The following MC2R variants were observed in gnomAD, a reference collection of about 807,000 sequenced individuals.
MC2R encodes adrenocorticotropic hormone receptor.
MC2R carries 9 observed loss-of-function variants against 9.8 expected under a neutral mutation model. The observed-to-expected ratio is 0.92, with a 90% CI of 0.55 to 1.60. MC2R has a LOEUF of 1.60. MC2R is among the 40% of genes most tolerant of loss of function. The pLI, the probability that MC2R is intolerant of heterozygous loss-of-function variation, is 0.00. For synonymous variants in MC2R, 185 were observed against 154.7 expected (o/e 1.20, Z -1.45); for missense variants, 370 against 389.0 (o/e 0.95, Z 0.41).
intron 1 of MC2R, among the ~76,000 whole-genome samples, chr18:13,892,683 A>C (rs2045322266): frequency 6.6e-6 from 1 of 152,144 alleles, no homozygotes; most frequent in Non-Finnish European, 1.5e-5. Flanking sequence ...AAATGTCTTG[A>C]CACCCCATGG....
chr18:13,885,737 TA>T (rs1203237328), intron 1 of MC2R, 91 bp from the exon 2 acceptor site: 22 of 565,956 alleles, frequency 3.9e-5, no homozygotes, highest in Non-Finnish European at 6.6e-5. Context: ...ATTCCCTCCA[TA>T]AAATATAAAG....
chr18:13,904,593 A>G (rs1245689272), intron 1 of MC2R, among the ~76,000 whole-genome samples: 3 of 145,498 alleles, frequency 2.1e-5, no homozygotes, highest in Admixed American at 1.4e-4. Flanking sequence ...TGGAAGTATC[A>G]TGCTACCTGA....
In MC2R at chr18:13,884,650, A is replaced by T. The variant is rs1273423599; in HGVS notation, c.869T>A (p.Met290Lys). The T allele has an allele frequency of 1.2e-6, 2 of 1,613,208 alleles. No individual in the cohort carries two copies. The highest frequency in any genetic ancestry group is 2.7e-5 in the African/African-American group (2 of 74,894). Residue 290 changes from methionine (M) to lysine (K), a missense_variant, in exon 2 of 2, where the codon ATG (methionine) becomes AAG (lysine). By Grantham distance (95) the Met-to-Lys change is moderately conservative. Coordinates refer to ENST00000327606, the MANE Select transcript of MC2R (RefSeq NM_000529.2). ...CTACCAGTACCTGCTGCAGAAGATC[A>T]TCTTTTTGAATGCGTCCCTGAGCTC... ...SPELRDAFKK[M>K]IFCSRYW
In MC2R at chr18:13,910,532, TAA is replaced by T. The variant is rs887597824; in HGVS notation, c.-129+4954_-129+4955del. On this transcript the variant is annotated intron_variant, in intron 1 of 1. Coordinates refer to ENST00000327606, the MANE Select transcript of MC2R (RefSeq NM_000529.2). ...ACTCTGTTGATCAAGTGGAGAAGAT[TAA>T]AAAAGTGTGTTTCTTGCTGTTTTGC... is the stretch of plus-strand genomic sequence containing the variant. 6.6e-5 allele frequency among the ~76,000 whole-genome samples: 10 copies of T among 152,322 alleles called. No individual in the cohort carries two copies. The East Asian group carries it at 9.6e-4, about 15-fold the overall frequency.
intron 1 of MC2R, 81 bp from the exon 2 acceptor site, chr18:13,885,727 A>G (rs1288070065): frequency 1.4e-5 from 8 of 586,586 alleles, no homozygotes; most frequent in Non-Finnish European, 2.4e-5. Context: ...AAGAAACTCT[A>G]TTCCCTCCAT....
At chr18:13,897,072 C>T (rs899411263) in intron 1 of MC2R, among the ~76,000 whole-genome samples, 1 of 152,194 alleles carries the variant, frequency 6.6e-6, no homozygotes, top group African/African-American at 2.4e-5. Flanking sequence ...GGCGAGCCCT[C>T]ATGGTACCTG....
At chr18:13,889,577 C>T (rs1272134014) in intron 1 of MC2R, among the ~76,000 whole-genome samples, 15 of 152,098 alleles carry the variant, frequency 9.9e-5, no homozygotes, top group Non-Finnish European at 1.5e-4. Flanking sequence ...AACATGGCCC[C>T]GGATAACTCA....
intron 1 of MC2R, among the ~76,000 whole-genome samples, chr18:13,910,347 G>T (rs1242478457): frequency 1.3e-5 from 2 of 152,172 alleles, no homozygotes; most frequent in Non-Finnish European, 2.9e-5. Flanking sequence ...GAGTTACTCA[G>T]ACTTACTGTG....
At chr18:13,913,989 A>G (rs1182341355) in intron 1 of MC2R, among the ~76,000 whole-genome samples, 1 of 152,176 alleles carries the variant, frequency 6.6e-6, no homozygotes, top group East Asian at 1.9e-4. Context: ...GAAAGCTCTC[A>G]TTAAAATGTA....
intron 1 of MC2R, among the ~76,000 whole-genome samples, chr18:13,909,422 G>A (rs968508035): frequency 6.6e-6 from 1 of 152,166 alleles, no homozygotes; most frequent in Non-Finnish European, 1.5e-5. Flanking sequence ...TTCCATAATG[G>A]ATTCTTTGGA....
At position 13,885,317 on chromosome 18, in the gene MC2R, T is replaced by G; in HGVS notation, c.202A>C (p.Ile68Leu). 1 of 1,614,188 alleles carries G rather than the reference T, an allele frequency of 6.2e-7. No individual in the cohort carries two copies. Among genetic ancestry groups the G allele is most frequent in the Non-Finnish European group, 8.5e-7 (1 of 1,180,042 alleles). ...TATAGGCTGCCCAGCATATCAGATATGGCCAAGCTACAGATGAAAAAGTAC... is the reference window on the plus strand; with the variant it reads ...TATAGGCTGCCCAGCATATCAGATAGGGCCAAGCTACAGATGAAAAAGTAC... ...PMYFFICSLAISDMLGSLYKI... is the reference protein window; with the variant it reads ...PMYFFICSLALSDMLGSLYKI... Residue 68 changes from isoleucine (I) to leucine (L), a missense_variant, in exon 2 of 2, where the codon ATA (isoleucine) becomes CTA (leucine). Coordinates refer to ENST00000327606, the MANE Select transcript of MC2R (RefSeq NM_000529.2).
At chr18:13,913,519 T>C (rs3927910) in intron 1 of MC2R, among the ~76,000 whole-genome samples, 79,637 of 152,000 alleles carry the variant, frequency 0.52, 22,050 homozygotes, top group African/African-American at 0.71. Context: ...ATATTTTGAG[T>C]TGAGAACTTA....
At chr18:13,893,807 C>T (rs1259724421) in intron 1 of MC2R, among the ~76,000 whole-genome samples, 6 of 152,150 alleles carry the variant, frequency 3.9e-5, no homozygotes, top group Non-Finnish European at 5.9e-5. Context: ...GAATCACTGA[C>T]GTGGAGAGGC....
chr18:13,887,737 C>T (rs551619042), intron 1 of MC2R, among the ~76,000 whole-genome samples: 16 of 152,320 alleles, frequency 1.1e-4, no homozygotes, highest in Admixed American at 4.6e-4. Context: ...CTGATGGAGA[C>T]ACTGGTCTCT....
In MC2R at chr18:13,885,572, A is replaced by C. The variant is rs2045271480; in HGVS notation, c.-54T>G. 6.3e-7 allele frequency: 1 copy of C among 1,587,962 alleles called. No individual in the cohort carries two copies. The highest frequency in any genetic ancestry group is 2.2e-5 in the East Asian group (1 of 44,726). ...GTTACTTGGACTTGACTTCACGGAA[A>C]ACTTGATTGATTCTTCAGGATCTTT... On this transcript the variant is annotated 5_prime_UTR_variant, in exon 2 of 2. Coordinates refer to ENST00000327606, the MANE Select transcript of MC2R (RefSeq NM_000529.2).
In MC2R at chr18:13,884,405, A is replaced by G. The variant is rs960571657; in HGVS notation, c.*220T>C. The G allele has an allele frequency of 1.5e-5, 9 of 606,498 alleles. No individual in the cohort carries two copies. In the African/African-American group the frequency reaches 1.7e-4, roughly 11 times the overall value. 37.6% of individuals were successfully genotyped at this position (606,498 alleles called of 1,614,324 possible). A position where few individuals can be genotyped will look rare whatever the true frequency, so the allele number is the denominator to read the frequency against. On this transcript the variant is annotated 3_prime_UTR_variant, in exon 2 of 2. Transcript: ENST00000327606. ...CTTTGTATTCTATCCTTCTTTTACT[A>G]CATCGTTTTATCTGTCCAGTCACAA...
intron 1 of MC2R, among the ~76,000 whole-genome samples, chr18:13,913,228 C>T (rs534730257): frequency 6.6e-6 from 1 of 152,214 alleles, no homozygotes; most frequent in African/African-American, 2.4e-5. Context: ...GCTCCCTGCA[C>T]AGCCTCACCT....
intron 1 of MC2R, among the ~76,000 whole-genome samples, chr18:13,901,971 T>A (rs1195532623): frequency 6.6e-6 from 1 of 151,276 alleles, no homozygotes; most frequent in African/African-American, 2.4e-5. Flanking sequence ...AAGAAATCCA[T>A]CCCCCCCACC....
chr18:13,912,850 C>T (rs893641671), intron 1 of MC2R, among the ~76,000 whole-genome samples: 4 of 152,138 alleles, frequency 2.6e-5, no homozygotes, highest in Admixed American at 2.0e-4. Flanking sequence ...CTGAATCCAG[C>T]GCACATCTTG....
Sources: allele counts gnomAD v4.1 joint callset (sites outside exome capture counted in the v4.1 genomes callset), GRCh38; gene constraint gnomAD v4.1.1; transcripts MANE v1.5; gene names NCBI Gene and HGNC (gene_info 2026-07-23, HGNC 2026-07-21).